Variants in NRXN1 observed in about 807,000 individuals in gnomAD.
NRXN1 encodes the protein neurexin-1.
In NRXN1, 39 loss-of-function variants were observed where a neutral mutation model predicts 150.9. The observed-to-expected ratio is 0.26, with a 90% CI of 0.20 to 0.34. The LOEUF (loss-of-function observed/expected upper bound fraction) is 0.34, where lower values mean the gene tolerates loss of function less well. NRXN1 is among the 10% of genes least tolerant of loss of function. The pLI, the probability that NRXN1 is intolerant of heterozygous loss-of-function variation, is 1.00. For missense variants in NRXN1, 1,815 were observed against 1,949.9 expected (o/e 0.93, Z 1.30); for synonymous variants, 924 against 757.0 (o/e 1.22, Z -3.62).
chr2:50,391,289 A>T (rs1019227100), intron 17 of NRXN1, among the ~76,000 whole-genome samples: 13 of 152,030 alleles, frequency 8.6e-5, no homozygotes, highest in Non-Finnish European at 1.9e-4. Flanking sequence ...AAAAGAGAAG[A>T]TCCCTGAGTT....
intron 5 of NRXN1, chr2:50,739,259 C>A (rs1209021728): frequency 2.0e-6 from 1 of 506,926 alleles, no homozygotes; most frequent in East Asian, 5.6e-5. Context: ...ATTAATGAGA[C>A]TTACTTTTTG....
intron 2 of NRXN1, among the ~76,000 whole-genome samples, chr2:50,986,042 T>G (rs1697647321): frequency 6.6e-6 from 1 of 151,736 alleles, no homozygotes. Flanking sequence ...ATCTCCCCAG[T>G]AACTCTGTAT....
In NRXN1 at chr2:50,376,710, A is replaced by G. The variant is rs2080525741; in HGVS notation, c.3364+88732T>C. 2.0e-5 allele frequency among the ~76,000 whole-genome samples: 3 copies of G among 152,166 alleles called. No individual in the cohort carries two copies. In the South Asian group the frequency reaches 6.2e-4, roughly 32 times the overall value. ...TAATTTTCTCTGTGGCGGATGACTG[A>G]TCATGTCATTAGGCAGAGCTTTGTT... On this transcript the variant is annotated intron_variant, in intron 17 of 22. Transcript: ENST00000401669.
intron 5 of NRXN1, among the ~76,000 whole-genome samples, chr2:50,676,148 C>G: frequency 6.6e-6 from 1 of 152,004 alleles, no homozygotes; most frequent in Admixed American, 6.6e-5. Context: ...TTAAAAGAGT[C>G]TGGGACCTCA....
chr2:50,208,708 C>T (rs2062793472), intron 18 of NRXN1, among the ~76,000 whole-genome samples: 2 of 152,000 alleles, frequency 1.3e-5, no homozygotes, highest in African/African-American at 4.8e-5. Flanking sequence ...TCTGAGCTAA[C>T]ATTCAGGGAC....
intron 12 of NRXN1, among the ~76,000 whole-genome samples, chr2:50,522,128 G>C (rs891377874): frequency 3.3e-5 from 5 of 152,086 alleles, no homozygotes; most frequent in Non-Finnish European, 7.4e-5. Context: ...GGAGGAAGTG[G>C]GGTATGTTTA....
intron 2 of NRXN1, among the ~76,000 whole-genome samples, chr2:50,966,418 G>A (rs1694090807): frequency 6.6e-6 from 1 of 151,018 alleles, no homozygotes; most frequent in African/African-American, 2.4e-5. Context: ...TGTTACTTTA[G>A]TCTTCCGCTG....
intron 5 of NRXN1, among the ~76,000 whole-genome samples, chr2:50,638,635 C>A (rs1683582241): frequency 6.6e-6 from 1 of 152,170 alleles, no homozygotes. Context: ...TCCACATTCA[C>A]AGGCTCCAAT....
intron 2 of NRXN1, among the ~76,000 whole-genome samples, chr2:50,944,907 T>C (rs147632980): frequency 5.9e-5 from 9 of 152,346 alleles, no homozygotes; most frequent in African/African-American, 1.9e-4. Context: ...ATGAGTGTCA[T>C]TTACACTGAT....
At chr2:50,574,037 A>G (rs2105476697) in intron 8 of NRXN1, among the ~76,000 whole-genome samples, 1 of 152,222 alleles carries the variant, frequency 6.6e-6, no homozygotes, top group South Asian at 2.1e-4. Context: ...GTGTTGTTGC[A>G]TATTTAAGAA....
At chr2:49,993,390 G>T (rs1682353106) in intron 21 of NRXN1, among the ~76,000 whole-genome samples, 1 of 152,172 alleles carries the variant, frequency 6.6e-6, no homozygotes, top group African/African-American at 2.4e-5. Flanking sequence ...AAGTTCACTG[G>T]TTGCTAGGGG....
At chr2:50,855,077 C>T (rs1315071848) in intron 5 of NRXN1, among the ~76,000 whole-genome samples, 1 of 151,792 alleles carries the variant, frequency 6.6e-6, no homozygotes, top group Admixed American at 6.6e-5. Context: ...AGATTAACTA[C>T]CAAATATTAA....
At chr2:50,490,816 C>T (rs1462252163) in intron 15 of NRXN1, among the ~76,000 whole-genome samples, 3 of 152,224 alleles carry the variant, frequency 2.0e-5, no homozygotes, top group African/African-American at 7.2e-5. Context: ...ACTCCAAGAA[C>T]AAAGTTCTTA....
chr2:50,217,610 T>A (rs2063491659), intron 18 of NRXN1, among the ~76,000 whole-genome samples: 1 of 151,942 alleles, frequency 6.6e-6, no homozygotes, highest in Admixed American at 6.6e-5. Flanking sequence ...CAGACCGAAT[T>A]ATAACAGGGG....
chr2:50,852,842 C>T (rs1674710469), intron 5 of NRXN1, among the ~76,000 whole-genome samples: 1 of 152,074 alleles, frequency 6.6e-6, no homozygotes, highest in Admixed American at 6.6e-5. Flanking sequence ...CACCTAAAAT[C>T]AACTGGCATA....
rs929752294 is a variant in NRXN1 at position 50,784,131 on chromosome 2, G to A, written c.832+137738C>T. Among the ~76,000 whole-genome samples, 5 of 152,144 alleles carry A rather than the reference G, an allele frequency of 3.3e-5. 1 individual carries two copies. Among genetic ancestry groups the A allele is most frequent in the Admixed American group, 3.3e-4 (5 of 15,224 alleles). On this transcript the variant is annotated intron_variant, in intron 5 of 22. Transcript: ENST00000401669. The stretch of plus-strand genomic sequence containing the variant: ...AATGTGTATGGGTGGGTATGTATGT[G>A]TGAGACAGATTGGAAGTTTCTTCAA...
intron 8 of NRXN1, among the ~76,000 whole-genome samples, chr2:50,558,825 C>T (rs944196422): frequency 2.6e-5 from 4 of 152,030 alleles, no homozygotes; most frequent in African/African-American, 7.2e-5. Flanking sequence ...TTTGGGAGGC[C>T]GAGGAGGGCG....
intron 15 of NRXN1, among the ~76,000 whole-genome samples, chr2:50,487,284 A>G (rs548165048): frequency 8.5e-5 from 13 of 152,224 alleles, no homozygotes; most frequent in Non-Finnish European, 1.5e-4. Context: ...TTCTGACGTC[A>G]AAGACTGTAT....
intron 16 of NRXN1, 123 bp downstream of exon 16, chr2:50,472,175 G>T: frequency 2.8e-6 from 2 of 711,936 alleles, no homozygotes; most frequent in South Asian, 4.3e-5. Flanking sequence ...ACTTGAATAA[G>T]GATGTCTAAG....
Sources: allele counts gnomAD v4.1 joint callset (sites outside exome capture counted in the v4.1 genomes callset), GRCh38; gene constraint gnomAD v4.1.1; transcripts MANE v1.5; gene names NCBI Gene and HGNC (gene_info 2026-07-23, HGNC 2026-07-21).